The following CLIP2 variants were observed in gnomAD, a reference collection of about 807,000 sequenced individuals.
CLIP2 encodes the protein CAP-Gly domain containing linker protein 2.
In CLIP2, 41 loss-of-function variants were observed where a neutral mutation model predicts 111.7. The ratio of observed to expected loss-of-function variants is 0.37; its 90% CI spans 0.29 to 0.48. The LOEUF is 0.48. CLIP2 is among the 20% of genes least tolerant of loss of function. The probability of loss-of-function intolerance (pLI) is 0.99; values close to 1 mark genes in which losing one functional copy is unlikely to be tolerated. For missense variants in CLIP2, 1,160 were observed against 1,422.1 expected, an observed-to-expected ratio of 0.82 and a Z score of 2.96; for synonymous variants, 660 against 644.2, an observed-to-expected ratio of 1.02 and a Z score of -0.37.
intron 2 of CLIP2, among the ~76,000 whole-genome samples, chr7:74,320,427 T>C (rs1554729864): frequency 9.3e-5 from 14 of 151,290 alleles, no homozygotes; most frequent in Non-Finnish European, 2.9e-5. Flanking sequence ...CAGCCTGAAG[T>C]AGGAGATCCG....
intron 1 of CLIP2, among the ~76,000 whole-genome samples, chr7:74,315,023 T>A (rs892711360): frequency 2.0e-5 from 3 of 152,212 alleles, no homozygotes; most frequent in Admixed American, 1.3e-4. Flanking sequence ...ACGCCTGTAA[T>A]CCCAGCACTT....
Position 74,360,177 on chromosome 7 carries a change from T to C in CLIP2, c.1218T>C (p.Tyr406=), listed in dbSNP as rs782177238. The C allele has an allele frequency of 1.2e-6, 2 of 1,600,400 alleles. No homozygotes were observed. Among genetic ancestry groups the C allele is most frequent in the Admixed American group, 1.7e-5 (1 of 58,074 alleles). The change falls in exon 7 of 17, where the codon TAT becomes TAC. Residue 406 remains tyrosine, a splice_region_variant and synonymous_variant. Coordinates refer to ENST00000223398, the MANE Select transcript of CLIP2 (RefSeq NM_003388.5). ...IALLKAQHEQ[Y]VAEAEEKLQR... is the part of the protein sequence containing the mutation. ...CCTGGCCTTCCTTGGGGGCCCAGTA[T>C]GTTGCAGAAGCCGAGGAGAAGCTGC... is the stretch of plus-strand genomic sequence containing the variant.
intron 9 of CLIP2, among the ~76,000 whole-genome samples, chr7:74,374,887 C>CT (rs1790731580): frequency 6.6e-6 from 1 of 152,126 alleles, no homozygotes; most frequent in South Asian, 2.1e-4. Flanking sequence ...AATGGAGCCT[C>CT]TAAGAGTTTT....
intron 14 of CLIP2, among the ~76,000 whole-genome samples, 154 bp from the exon 15 acceptor site, chr7:74,400,216 G>A (rs1791580807): frequency 6.6e-6 from 1 of 151,378 alleles, no homozygotes. Context: ...AGACCATGGA[G>A]CACCTCACAG....
chr7:74,337,861 G>T (rs1403488846), intron 2 of CLIP2, among the ~76,000 whole-genome samples: 3 of 152,084 alleles, frequency 2.0e-5, no homozygotes, highest in African/African-American at 7.2e-5. Context: ...CTCCCAAAGT[G>T]CTGGGATTAC....
chr7:74,357,452 C>T lies in CLIP2; in HGVS notation c.1190C>T (p.Ala397Val), dbSNP rs781996664. The T allele has an allele frequency of 1.2e-6, 2 of 1,613,592 alleles. No homozygotes were observed. Among genetic ancestry groups the T allele is most frequent in the Non-Finnish European group, 1.7e-6 (2 of 1,179,782 alleles). ...ATCTGCGAGGTGGAGAAGGAGATTG[C>T]CCTGCTCAAGGCACAGCATGAGCAG... Reference protein sequence around the residue: ...SHICEVEKEIALLKAQHEQYV... With the variant: ...SHICEVEKEIVLLKAQHEQYV... Residue 397 changes from alanine to valine, a missense_variant, in exon 6 of 17, where the codon GCC becomes GTC. This residue lies in a region of CLIP2 where 70 missense variants were observed against 114.9 expected (regional missense o/e 0.61). Coordinates refer to ENST00000223398, the MANE Select transcript of CLIP2 (RefSeq NM_003388.5).
intron 4 of CLIP2, among the ~76,000 whole-genome samples, chr7:74,355,527 A>G (rs558177925): frequency 3.4e-4 from 51 of 152,182 alleles, no homozygotes; most frequent in Non-Finnish European, 6.2e-4. Flanking sequence ...GGAGGATTGC[A>G]TGAGCCCAGG....
chr7:74,364,395 A>G, intron 8 of CLIP2, 80 bp downstream of exon 8: 3 of 1,289,466 alleles, frequency 2.3e-6, no homozygotes, highest in Non-Finnish European at 3.3e-6. Context: ...TGTGAGGTCC[A>G]GCAGCACCTC....
chr7:74,353,268 T>TG (rs1790060012), intron 3 of CLIP2, among the ~76,000 whole-genome samples: 2 of 150,910 alleles, frequency 1.3e-5, no homozygotes, highest in Admixed American at 1.3e-4. Context: ...TTTTTTTTTT[T>TG]GACTCAGAGT....
At position 74,373,007 on chromosome 7, in the gene CLIP2, C is replaced by T. The variant is rs931844388; in HGVS notation, c.1456C>T (p.Arg486Trp). The T allele has an allele frequency of 1.9e-6, 3 of 1,591,950 alleles. No homozygotes were observed. The highest frequency in any genetic ancestry group is 1.1e-5 in the South Asian group (1 of 87,226). The change falls in exon 9 of 17, where the codon CGG becomes TGG. Residue 486 changes from arginine (R) to tryptophan (W), a missense_variant. Arg to Trp is a moderately radical substitution (Grantham distance 101). This residue lies in a region of CLIP2 where 676 missense variants were observed against 777.8 expected (regional missense o/e 0.87). Coordinates refer to ENST00000223398, the MANE Select transcript of CLIP2 (RefSeq NM_003388.5). ...GCTACTGGAGAAGGCGCAGGCCGAGCGGCTGCTCCGAGAATTAGCGGACAA... is the reference window on the plus strand; with the variant it reads ...GCTACTGGAGAAGGCGCAGGCCGAGTGGCTGCTCCGAGAATTAGCGGACAA... ...SLLLEKAQAE[R>W]LLRELADNRL...
chr7:74,375,266 A>AT (rs1287323220), intron 9 of CLIP2, among the ~76,000 whole-genome samples: 32 of 151,802 alleles, frequency 2.1e-4, no homozygotes, highest in African/African-American at 7.3e-4. Flanking sequence ...AAAAAAAAAA[A>AT]AATGCTGGGC....
intron 16 of CLIP2, 89 bp from the exon 17 acceptor site, chr7:74,403,748 C>G: frequency 7.1e-7 from 1 of 1,410,422 alleles, no homozygotes. Flanking sequence ...CACCCGGCCC[C>G]AACTCCTTTC....
At chr7:74,395,309 A>G (rs1791416091) in intron 13 of CLIP2, among the ~76,000 whole-genome samples, 3 of 151,932 alleles carry the variant, frequency 2.0e-5, no homozygotes, top group Middle Eastern at 6.8e-3. Flanking sequence ...ACAGGCATGC[A>G]CTACCACGCC....
chr7:74,386,971 C>T (rs1248362351), intron 12 of CLIP2, among the ~76,000 whole-genome samples: 5 of 147,038 alleles, frequency 3.4e-5, no homozygotes, highest in African/African-American at 5.0e-5. Context: ...GCCAGTGAGC[C>T]GAGATGGCGC....
chr7:74,359,205 G>A (rs1790242355), intron 6 of CLIP2, among the ~76,000 whole-genome samples: 1 of 151,578 alleles, frequency 6.6e-6, no homozygotes, highest in Admixed American at 6.6e-5. Flanking sequence ...CTGGCCTCAA[G>A]TGATCAGCCC....
chr7:74,384,655 A>G (rs1584381757), intron 11 of CLIP2, among the ~76,000 whole-genome samples: 2 of 151,774 alleles, frequency 1.3e-5, no homozygotes, highest in African/African-American at 4.8e-5. Flanking sequence ...AATGTTGGCC[A>G]GACTGGTCTT....
intron 1 of CLIP2, among the ~76,000 whole-genome samples, chr7:74,292,670 G>A (rs1458272731): frequency 6.6e-6 from 1 of 152,166 alleles, no homozygotes; most frequent in Non-Finnish European, 1.5e-5. Context: ...TTACAGGCGT[G>A]AGCCACCACG....
At chr7:74,300,566 C>T (rs1204487081) in intron 1 of CLIP2, among the ~76,000 whole-genome samples, 1 of 151,942 alleles carries the variant, frequency 6.6e-6, no homozygotes, top group African/African-American at 2.4e-5. Context: ...CGCCATTCTC[C>T]TGCCTCAGCC....
At position 74,368,552 on chromosome 7, in the gene CLIP2, AAAAT is replaced by A. The variant is rs1215914518; in HGVS notation, c.1380+4245_1380+4248del. Among the ~76,000 whole-genome samples, 9 of 151,452 alleles carry A rather than the reference AAAAT, an allele frequency of 5.9e-5. No individual in the cohort carries two copies. The East Asian group carries it at 1.7e-3, about 29-fold the overall frequency. On this transcript the variant is annotated intron_variant, in intron 8 of 16. Transcript: ENST00000223398. ...AATAAATAAATAAATAAAAATAAAT[AAAAT>A]AAATAAAAAATAAAAAACAAAAAAA...
Sources: gnomAD v4.1 joint callset for allele counts (sites outside exome capture counted in the v4.1 genomes callset) on GRCh38, gnomAD v4.1.1 for gene constraint, gnomAD v4.1.1 regional missense constraint, MANE v1.5 for transcripts, NCBI Gene and HGNC (gene_info 2026-07-23, HGNC 2026-07-21) for gene names.